CWH43: variants seen among roughly 807,000 people sequenced by gnomAD.
CWH43 encodes the protein PGAP2-interacting protein.
Under a neutral mutation model 85.7 loss-of-function variants are expected in CWH43, and 91 were observed. The ratio of observed to expected loss-of-function variants is 1.06; its 90% confidence interval spans 0.90 to 1.26. The LOEUF (loss-of-function observed/expected upper bound fraction) is 1.26. Ranked by LOEUF, CWH43 falls within the 50% of genes most tolerant of loss-of-function variation. The probability of loss-of-function intolerance (pLI) is 0.00; values close to 1 mark genes in which losing one functional copy is unlikely to be tolerated. For missense variants in CWH43, 869 were observed against 839.2 expected, an observed-to-expected ratio of 1.04 and a Z score of -0.44; for synonymous variants, 323 against 293.6, an observed-to-expected ratio of 1.10 and a Z score of -1.02.
At chr4:49,023,600 C>T (rs2109794056) in intron 9 of CWH43, among the ~76,000 whole-genome samples, 1 of 152,320 alleles carries the variant, frequency 6.6e-6, no homozygotes, top group Non-Finnish European at 1.5e-5. Context: ...TGGTCTTGAA[C>T]TCCTGACCTC....
intron 14 of CWH43, among the ~76,000 whole-genome samples, chr4:49,046,721 C>T (rs1183259707): frequency 3.3e-5 from 5 of 151,990 alleles, no homozygotes; most frequent in African/African-American, 7.2e-5. Context: ...CTGGATGTTG[C>T]GGGGTAAGAG....
intron 13 of CWH43, among the ~76,000 whole-genome samples, chr4:49,039,077 TTAAATAAA>T (rs10597102): frequency 2.2e-5 from 3 of 137,666 alleles, no homozygotes; most frequent in South Asian, 2.3e-4. Flanking sequence ...TATAAATAAA[TTAAATAAA>T]TAAATAAATA....
chr4:49,054,015 C>G (rs1038967225), intron 15 of CWH43, among the ~76,000 whole-genome samples: 1 of 152,028 alleles, frequency 6.6e-6, no homozygotes. Flanking sequence ...CTTGTTAGTT[C>G]GATAGAATCC....
Position 49,003,827 on chromosome 4 carries a change from C to A in CWH43, c.895C>A (p.Pro299Thr), listed in dbSNP as rs1468304600. The A allele has an allele frequency of 6.2e-7, 1 of 1,613,962 alleles. No homozygotes were observed. Among genetic ancestry groups the A allele is most frequent in the Non-Finnish European group, 8.5e-7 (1 of 1,179,896 alleles). The change falls in exon 7 of 16, where the codon CCC (proline) becomes ACC (threonine). Residue 299 changes from proline to threonine, a missense_variant. Around this residue, in one of 3 missense-constraint regions of CWH43, gnomAD observed 577 missense variants for 513.1 expected, o/e 1.12. Transcript: ENST00000226432. The part of the protein sequence containing the change: ...VFAIFTASMW[P>T]QTLGHLINSG... ...CGCCATCTTTACTGCATCCATGTGG[C>A]CCCAAACACTTGGACACCTTATTAA...
chr4:48,993,034 C>A (rs1782703020), intron 4 of CWH43, among the ~76,000 whole-genome samples: 1 of 152,192 alleles, frequency 6.6e-6, no homozygotes, highest in Non-Finnish European at 1.5e-5. Flanking sequence ...TGATAAAGAT[C>A]TGAACTTCAG....
intron 15 of CWH43, among the ~76,000 whole-genome samples, chr4:49,053,133 A>G (rs1274264931): frequency 1.3e-5 from 2 of 152,194 alleles, no homozygotes; most frequent in African/African-American, 4.8e-5. Context: ...TTTCAGGCTG[A>G]ATACTATTCC....
At chr4:49,022,263 C>T (rs1186229703) in intron 9 of CWH43, among the ~76,000 whole-genome samples, 11 of 151,934 alleles carry the variant, frequency 7.2e-5, no homozygotes, top group African/African-American at 1.5e-4. Context: ...CATAAAGCGA[C>T]GCTGGATATT....
intron 6 of CWH43, among the ~76,000 whole-genome samples, chr4:49,003,156 C>G (rs531569033): frequency 6.6e-6 from 1 of 152,252 alleles, no homozygotes; most frequent in East Asian, 1.9e-4. Flanking sequence ...GCTCCTGACA[C>G]CTAGCAGGCT....
chr4:49,004,078 G>C, intron 7 of CWH43, 86 bp downstream of exon 7: 1 of 1,235,000 alleles, frequency 8.1e-7, no homozygotes, highest in Non-Finnish European at 1.1e-6. Flanking sequence ...TTATGTAACT[G>C]GTGGAAATAA....
At chr4:49,022,890 A>C (rs1156734241) in intron 9 of CWH43, among the ~76,000 whole-genome samples, 2 of 152,036 alleles carry the variant, frequency 1.3e-5, no homozygotes, top group Non-Finnish European at 2.9e-5. Flanking sequence ...TATCCGTTGT[A>C]GTATTGTCTG....
chr4:49,058,357 T>G (rs1489102886), intron 15 of CWH43, among the ~76,000 whole-genome samples: 1 of 152,182 alleles, frequency 6.6e-6, no homozygotes, highest in Non-Finnish European at 1.5e-5. Flanking sequence ...AAAACTGAGA[T>G]TTAGCTTTTC....
intron 5 of CWH43, 146 bp downstream of exon 5, chr4:48,994,966 G>A: frequency 1.3e-6 from 1 of 758,314 alleles, no homozygotes; most frequent in Non-Finnish European, 2.3e-6. Flanking sequence ...AAATTATTGT[G>A]TGCTCTGGAG....
intron 15 of CWH43, among the ~76,000 whole-genome samples, chr4:49,051,503 A>G (rs1477501189): frequency 2.6e-5 from 4 of 152,192 alleles, no homozygotes; most frequent in Non-Finnish European, 2.9e-5. Flanking sequence ...GGTTATTCTA[A>G]TGTGCAGTTA....
At chr4:49,040,247 T>C (rs1382259311) in intron 13 of CWH43, among the ~76,000 whole-genome samples, 1 of 152,250 alleles carries the variant, frequency 6.6e-6, no homozygotes, top group Non-Finnish European at 1.5e-5. Flanking sequence ...TTATAATCCT[T>C]TGGGTATATA....
chr4:48,996,298 TACACACACAC>T (rs36210509), intron 5 of CWH43, among the ~76,000 whole-genome samples: 25,315 of 149,940 alleles, frequency 0.17, 2,533 homozygotes, highest in Middle Eastern at 0.26. Flanking sequence ...TATATATGTG[TACACACACAC>T]ACACACACAC....
intron 10 of CWH43, among the ~76,000 whole-genome samples, chr4:49,029,289 G>C (rs1242617278): frequency 6.6e-6 from 1 of 152,190 alleles, no homozygotes; most frequent in Non-Finnish European, 1.5e-5. Context: ...AAGGGATCTA[G>C]GGCTGTGCAG....
intron 12 of CWH43, among the ~76,000 whole-genome samples, chr4:49,035,287 T>C (rs1486327438): frequency 2.0e-5 from 3 of 152,218 alleles, no homozygotes; most frequent in Non-Finnish European, 2.9e-5. Flanking sequence ...TATTAGCTGA[T>C]TCAACAAGAT....
intron 8 of CWH43, among the ~76,000 whole-genome samples, chr4:49,009,706 AG>A (rs1560493305): frequency 6.6e-6 from 1 of 152,188 alleles, no homozygotes; most frequent in African/African-American, 2.4e-5. Flanking sequence ...ATTTTGTCGA[AG>A]GCCTTTTCTG....
chr4:49,052,517 C>T (rs186075985), intron 15 of CWH43, among the ~76,000 whole-genome samples: 3 of 152,212 alleles, frequency 2.0e-5, no homozygotes, highest in Admixed American at 6.5e-5. Context: ...GAAGGATTCC[C>T]TCCTTTTGCT....
Sources: gnomAD v4.1 joint callset for allele counts (sites outside exome capture counted in the v4.1 genomes callset) on GRCh38, gnomAD v4.1.1 for gene constraint, gnomAD v4.1.1 regional missense constraint, MANE v1.5 for transcripts, NCBI Gene and HGNC (gene_info 2026-07-23, HGNC 2026-07-21) for gene names.